Variants in NPFFR1 observed in about 807,000 individuals in gnomAD.
The protein encoded by NPFFR1 is G-protein coupled receptor 147.
Under a neutral mutation model 12.7 loss-of-function variants are expected in NPFFR1, and 17 were observed. The observed-to-expected ratio is 1.34, with a 90% CI of 0.92 to 2.01. NPFFR1 has a LOEUF of 2.01. Ranked by LOEUF, NPFFR1 falls within the 30% of genes most tolerant of loss-of-function variation. The pLI is 0.00. For synonymous variants in NPFFR1, 296 were observed against 264.5 expected (o/e 1.12, Z -1.16); for missense variants, 604 against 606.5 (o/e 1.00, Z 0.04).
Position 70,249,294 on chromosome 10 carries a change from G to T in NPFFR1, c.*5663C>A, listed in dbSNP as rs1288051611. On this transcript the variant is annotated 3_prime_UTR_variant, in exon 4 of 4. Coordinates refer to ENST00000277942, the MANE Select transcript of NPFFR1 (RefSeq NM_022146.5). Reference sequence around the variant, plus strand: ...GATGCCTGTAATCCCAGCTACTCAGGAGGCTGAGGCAGGAGAATCGCTTGA... The same window carrying T: ...GATGCCTGTAATCCCAGCTACTCAGTAGGCTGAGGCAGGAGAATCGCTTGA... 2 of 151,574 alleles carry T rather than the reference G, an allele frequency of 1.3e-5. No individual in the cohort carries two copies. The highest frequency in any genetic ancestry group is 4.9e-5 in the African/African-American group (2 of 41,232). 9.4% of individuals were successfully genotyped at this position (151,574 alleles called of 1,614,324 possible).
chr10:70,261,050 G>A (rs1310427788), intron 2 of NPFFR1, among the ~76,000 whole-genome samples: 2 of 152,074 alleles, frequency 1.3e-5, no homozygotes, highest in Non-Finnish European at 2.9e-5. Flanking sequence ...GAAAAAGGCA[G>A]CCCTCTGTAT....
chr10:70,261,812 C>T (rs532497796), intron 2 of NPFFR1, among the ~76,000 whole-genome samples: 92 of 151,834 alleles, frequency 6.1e-4, no homozygotes, highest in Middle Eastern at 3.4e-3. Context: ...GATAGGGTCT[C>T]GCTCTGTCAC....
chr10:70,263,519 C>T (rs1318171069), intron 2 of NPFFR1, among the ~76,000 whole-genome samples: 13 of 152,182 alleles, frequency 8.5e-5, no homozygotes, highest in South Asian at 2.1e-4. Flanking sequence ...GTCATCCACC[C>T]GCCTTGGCCT....
At chr10:70,265,953 C>A (rs755938991) in intron 2 of NPFFR1, 124 bp downstream of exon 2, 4 of 855,236 alleles carry the variant, frequency 4.7e-6, no homozygotes, top group Non-Finnish European at 7.4e-6. Flanking sequence ...AGTTCGAGAC[C>A]ACGGCATGGC....
chr10:70,255,163 G>T lies in NPFFR1; in HGVS notation c.1087C>A (p.Arg363=), dbSNP rs1840549077. 4 of 1,543,066 alleles carry T rather than the reference G, an allele frequency of 2.6e-6. No homozygotes were observed. The highest frequency in any genetic ancestry group is 2.6e-6 in the Non-Finnish European group (3 of 1,146,382). Residue 363 remains arginine (R), a synonymous_variant, in exon 4 of 4, where the codon CGG becomes AGG. Coordinates refer to ENST00000277942, the MANE Select transcript of NPFFR1 (RefSeq NM_022146.5). The surrounding 1 kb of genome is among the most constrained non-coding windows in gnomAD (Gnocchi z 4.2). ...SGSHKEAYSE[R]PGGLLHRRVF... Reference sequence around the variant, plus strand: ...CGCCTGTGCAGAAGCCCGCCGGGCCGCTCGGAGTAGGCCTCCTTGTGGCTC... The same window carrying T: ...CGCCTGTGCAGAAGCCCGCCGGGCCTCTCGGAGTAGGCCTCCTTGTGGCTC...
chr10:70,281,856 T>C (rs938889207), intron 1 of NPFFR1, among the ~76,000 whole-genome samples: 1 of 152,208 alleles, frequency 6.6e-6, no homozygotes, highest in Non-Finnish European at 1.5e-5. Flanking sequence ...CACACATCTT[T>C]GCAAGTGTGC....
At chr10:70,265,642 A>G (rs954646867) in intron 2 of NPFFR1, among the ~76,000 whole-genome samples, 1 of 152,256 alleles carries the variant, frequency 6.6e-6, no homozygotes, top group Non-Finnish European at 1.5e-5. Flanking sequence ...AATTCTGCCC[A>G]TGCGAGCTCC....
rs111951575 is a variant in NPFFR1 at position 70,259,290 on chromosome 10, CA to C, written c.422+1349del. On this transcript the variant is annotated intron_variant, in intron 3 of 3. Coordinates refer to ENST00000277942, the MANE Select transcript of NPFFR1 (RefSeq NM_022146.5). ...CAGAGCAAGACTCTGTCTCCCCCCT[CA>C]AAAAAAAAAAAGAAAGAAAGAAAGA... is the stretch of plus-strand genomic sequence containing the variant. Among the ~76,000 whole-genome samples the C allele has an allele frequency of 2.8e-3, 371 of 130,838 alleles. 1 individual carries two copies. The highest frequency in any genetic ancestry group is 3.7e-3 in the Middle Eastern group (1 of 268). The allele number at this position is 130,838 out of a possible 152,430, so 85.8% of individuals were successfully genotyped here. A position where few individuals can be genotyped will look rare whatever the true frequency, so the allele number is the denominator to read the frequency against.
intron 1 of NPFFR1, among the ~76,000 whole-genome samples, chr10:70,271,771 A>G (rs1840744133): frequency 6.6e-6 from 1 of 152,166 alleles, no homozygotes; most frequent in Admixed American, 6.5e-5. Flanking sequence ...GAGCCACACA[A>G]TGGATGTGAG....
chr10:70,270,592 G>A (rs1360896404), intron 1 of NPFFR1, among the ~76,000 whole-genome samples: 1 of 152,186 alleles, frequency 6.6e-6, no homozygotes, highest in African/African-American at 2.4e-5. Context: ...CAGAGCCTGG[G>A]CATCATTTCT....
At chr10:70,276,091 G>A (rs546736461) in intron 1 of NPFFR1, among the ~76,000 whole-genome samples, 1 of 152,142 alleles carries the variant, frequency 6.6e-6, no homozygotes, top group East Asian at 1.9e-4. Flanking sequence ...GGGTCCATTA[G>A]CAGCAATTAG....
chr10:70,254,826 C>T lies in NPFFR1; in HGVS notation c.*131G>A. 2 of 1,087,478 alleles carry T rather than the reference C, an allele frequency of 1.8e-6. No individual in the cohort carries two copies. Among genetic ancestry groups the T allele is most frequent in the Non-Finnish European group, 2.4e-6 (2 of 835,286 alleles). The allele number at this position is 1,087,478 out of a possible 1,614,324, so 67.4% of individuals were successfully genotyped here. A position where few individuals can be genotyped will look rare whatever the true frequency, so the allele number is the denominator to read the frequency against. ...GCAGAGAAGACATCACCAGCAGCTG[C>T]CCACCACTGCCTGGCTCTGGAGAGG... On this transcript the variant is annotated 3_prime_UTR_variant, in exon 4 of 4. Coordinates refer to ENST00000277942, the MANE Select transcript of NPFFR1 (RefSeq NM_022146.5).
At chr10:70,282,782 T>C (rs1187067883) in intron 1 of NPFFR1, among the ~76,000 whole-genome samples, 1 of 152,032 alleles carries the variant, frequency 6.6e-6, no homozygotes, top group Non-Finnish European at 1.5e-5. Context: ...GAGCCCTTGG[T>C]TTTCCAGTTT....
chr10:70,267,392 C>A (rs1840704712), intron 1 of NPFFR1, among the ~76,000 whole-genome samples: 5 of 152,090 alleles, frequency 3.3e-5, no homozygotes, highest in Admixed American at 3.3e-4. Context: ...TGATGTAAGT[C>A]ATTAGGTATT....
At chr10:70,260,979 A>T (rs998319417) in intron 2 of NPFFR1, among the ~76,000 whole-genome samples, 1 of 152,110 alleles carries the variant, frequency 6.6e-6, no homozygotes, top group Non-Finnish European at 1.5e-5. Context: ...TAGGACCCCC[A>T]AGTATTCCAA....
chr10:70,255,411 G>A lies in NPFFR1; in HGVS notation c.839C>T (p.Thr280Met), dbSNP rs1368272551. 2 of 1,546,324 alleles carry A rather than the reference G, an allele frequency of 1.3e-6. No homozygotes were observed. The highest frequency in any genetic ancestry group is 1.2e-5 in the South Asian group (1 of 84,102). Reference sequence around the variant, plus strand: ...CGCCCAGAGCGGCAGCCAGGACAGCGTGAAGAACAGCGCCACCATGACCAG... The same window carrying A: ...CGCCCAGAGCGGCAGCCAGGACAGCATGAAGAACAGCGCCACCATGACCAG... ...HMLVMVALFF[T>M]LSWLPLWALL... Residue 280 changes from threonine to methionine, a missense_variant, in exon 4 of 4, where the codon ACG (threonine) becomes ATG (methionine). Coordinates refer to ENST00000277942, the MANE Select transcript of NPFFR1 (RefSeq NM_022146.5). The surrounding 1 kb of genome is among the most constrained non-coding windows in gnomAD (Gnocchi z 4.2).
rs78281435 is a variant in NPFFR1, at chr10:70,270,319, C to A, written c.8-3928G>T. On this transcript the variant is annotated intron_variant, in intron 1 of 3. Coordinates refer to ENST00000277942, the MANE Select transcript of NPFFR1 (RefSeq NM_022146.5). ...CTTCTCCAGGCCCCTCCAGAAAGAA[C>A]CCCCATGAGAGGCATCACTCATCCC... Among the ~76,000 whole-genome samples the A allele has an allele frequency of 8.5e-3, 1,296 of 152,284 alleles. 8 individuals carry two copies. The highest frequency in any genetic ancestry group is 0.027 in the Middle Eastern group (8 of 294).
chr10:70,274,683 T>C (rs1176259457), intron 1 of NPFFR1, among the ~76,000 whole-genome samples: 1 of 152,192 alleles, frequency 6.6e-6, no homozygotes, highest in African/African-American at 2.4e-5. Flanking sequence ...GGCTTTCGAA[T>C]GTGGATGACC....
chr10:70,256,072 CT>C (rs60840539), intron 3 of NPFFR1, among the ~76,000 whole-genome samples: 102,285 of 137,720 alleles, frequency 0.74, 38,546 homozygotes, highest in East Asian at 0.92. Context: ...CACTTTTCTC[CT>C]TTTTTTTTTT....
Sources: gnomAD v4.1 joint callset for allele counts (sites outside exome capture counted in the v4.1 genomes callset) on GRCh38, gnomAD v4.1.1 for gene constraint, Gnocchi (gnomAD v3.1) non-coding constraint, MANE v1.5 for transcripts, NCBI Gene and HGNC (gene_info 2026-07-23, HGNC 2026-07-21) for gene names.